The following DGKI variants were observed in gnomAD, a reference collection of about 807,000 sequenced individuals.
The protein encoded by DGKI is diacylglycerol kinase iota.
In DGKI, 55 loss-of-function variants were observed where a neutral mutation model predicts 147.5. That is an observed-to-expected ratio of 0.37 (90% confidence interval 0.30 to 0.47). The LOEUF (loss-of-function observed/expected upper bound fraction) is 0.47, where lower values mean the gene tolerates loss of function less well. DGKI is among the 20% of genes least tolerant of loss of function. The pLI, the probability that DGKI is intolerant of heterozygous loss-of-function variation, is 1.00. For missense variants in DGKI, 1,007 were observed against 1,323.8 expected, an observed-to-expected ratio of 0.76 and a Z score of 3.71; for synonymous variants, 469 against 477.1, an observed-to-expected ratio of 0.98 and a Z score of 0.22.
intron 24 of DGKI, among the ~76,000 whole-genome samples, chr7:137,469,223 T>C (rs1424683082): frequency 6.6e-6 from 1 of 152,212 alleles, no homozygotes; most frequent in East Asian, 1.9e-4. Context: ...CCTATGCATA[T>C]AGAATCCAGC....
chr7:137,824,604 G>A (rs1307334605), intron 1 of DGKI, among the ~76,000 whole-genome samples: 1 of 151,870 alleles, frequency 6.6e-6, no homozygotes, highest in Non-Finnish European at 1.5e-5. Flanking sequence ...AAGTTCAGGG[G>A]TGCATGTGCA....
chr7:137,416,145 TTAAC>T (rs1376355084), intron 28 of DGKI, among the ~76,000 whole-genome samples: 4 of 152,068 alleles, frequency 2.6e-5, no homozygotes, highest in African/African-American at 7.2e-5. Flanking sequence ...GAAAAATGAA[TTAAC>T]TAACTGAAAG....
chr7:137,519,677 T>C lies in DGKI; in HGVS notation c.2248+2189A>G, dbSNP rs371122638. On this transcript the variant is annotated intron_variant, in intron 21 of 32. Transcript: ENST00000614521. ...GTCTTTATACTCAGTTTGAGCCCTGTCAGCCTTCCCATGAATCTGTATTCT... is the reference window on the plus strand; with the variant it reads ...GTCTTTATACTCAGTTTGAGCCCTGCCAGCCTTCCCATGAATCTGTATTCT... 1.1e-4 allele frequency among the ~76,000 whole-genome samples: 16 copies of C among 152,214 alleles called. No homozygotes were observed. In the South Asian group the frequency reaches 2.9e-3, roughly 28 times the overall value.
chr7:137,555,246 G>A (rs958599364), intron 19 of DGKI, among the ~76,000 whole-genome samples: 4 of 151,334 alleles, frequency 2.6e-5, no homozygotes, highest in Non-Finnish European at 5.9e-5. Context: ...ATAAGAAATG[G>A]CCAGGTGCAG....
At chr7:137,428,318 A>T (rs1397459387) in intron 28 of DGKI, among the ~76,000 whole-genome samples, 4 of 152,232 alleles carry the variant, frequency 2.6e-5, no homozygotes, top group East Asian at 3.8e-4. Context: ...TTATCTCAAT[A>T]GATGCAGAAA....
At chr7:137,639,116 G>A (rs1484035994) in intron 6 of DGKI, among the ~76,000 whole-genome samples, 1 of 152,126 alleles carries the variant, frequency 6.6e-6, no homozygotes, top group East Asian at 1.9e-4. Flanking sequence ...TACTATATTT[G>A]AAATAGTCAT....
chr7:137,593,967 G>T (rs1437049496), intron 12 of DGKI, among the ~76,000 whole-genome samples: 1 of 152,136 alleles, frequency 6.6e-6, no homozygotes, highest in African/African-American at 2.4e-5. Context: ...CCTGCCAAAG[G>T]TCACAGAAAT....
intron 3 of DGKI, among the ~76,000 whole-genome samples, chr7:137,667,145 A>T (rs978125663): frequency 2.0e-5 from 3 of 152,134 alleles, no homozygotes; most frequent in African/African-American, 7.2e-5. Flanking sequence ...TTGTGCCAGC[A>T]GGTCAAAGTT....
chr7:137,796,193 A>C (rs768015720), intron 1 of DGKI, among the ~76,000 whole-genome samples: 5 of 152,190 alleles, frequency 3.3e-5, no homozygotes, highest in African/African-American at 1.2e-4. Flanking sequence ...GGGTTACACA[A>C]AGTTTTAAAT....
intron 19 of DGKI, among the ~76,000 whole-genome samples, chr7:137,567,488 A>C (rs1460916478): frequency 6.6e-6 from 1 of 152,194 alleles, no homozygotes; most frequent in Non-Finnish European, 1.5e-5. Flanking sequence ...AAAAAGAAAG[A>C]AGCACATTTT....
intron 20 of DGKI, among the ~76,000 whole-genome samples, chr7:137,534,671 CAACT>C (rs1817458349): frequency 6.6e-6 from 1 of 151,846 alleles, no homozygotes; most frequent in Non-Finnish European, 1.5e-5. Flanking sequence ...ATATTTTAAA[CAACT>C]AAAATATTTA....
chr7:137,683,264 T>C (rs559655813), intron 2 of DGKI, among the ~76,000 whole-genome samples: 1 of 152,072 alleles, frequency 6.6e-6, no homozygotes, highest in Non-Finnish European at 1.5e-5. Context: ...TCCCTATTTA[T>C]AAAATAAAAT....
chr7:137,459,646 T>C (rs1373838855), intron 27 of DGKI, among the ~76,000 whole-genome samples: 1 of 151,874 alleles, frequency 6.6e-6, no homozygotes, highest in African/African-American at 2.4e-5. Flanking sequence ...GGCTAATTTT[T>C]TGTATTTTTA....
intron 6 of DGKI, among the ~76,000 whole-genome samples, chr7:137,638,687 C>G (rs1182896104): frequency 7.3e-6 from 1 of 136,624 alleles, no homozygotes; most frequent in Non-Finnish European, 1.5e-5. Context: ...CGTATGTACA[C>G]ACAGATACAT....
At chr7:137,504,017 C>T (rs1585178380) in intron 21 of DGKI, among the ~76,000 whole-genome samples, 1 of 152,026 alleles carries the variant, frequency 6.6e-6, no homozygotes, top group African/African-American at 2.4e-5. Flanking sequence ...AAGAATCAAC[C>T]AAACCTACAA....
chr7:137,734,387 A>T (rs1168020158), intron 1 of DGKI, among the ~76,000 whole-genome samples: 2 of 152,044 alleles, frequency 1.3e-5, no homozygotes, highest in Non-Finnish European at 2.9e-5. Flanking sequence ...AACATTTATT[A>T]TCTCACAGAT....
At chr7:137,600,993 C>A (rs1320575048) in intron 10 of DGKI, among the ~76,000 whole-genome samples, 1 of 151,990 alleles carries the variant, frequency 6.6e-6, no homozygotes, top group African/African-American at 2.4e-5. Context: ...AAGAAGGGGC[C>A]GGGCACGGTG....
At chr7:137,425,286 C>A (rs1314396811) in intron 28 of DGKI, among the ~76,000 whole-genome samples, 5 of 152,202 alleles carry the variant, frequency 3.3e-5, no homozygotes, top group Non-Finnish European at 5.9e-5. Context: ...CCCAGGCAAA[C>A]AGGGTCTGGA....
intron 3 of DGKI, among the ~76,000 whole-genome samples, chr7:137,662,923 G>A (rs1248958375): frequency 1.3e-5 from 2 of 152,212 alleles, no homozygotes; most frequent in African/African-American, 4.8e-5. Context: ...AAGAAAAGCA[G>A]TAGGAACAAC....
Sources: allele counts gnomAD v4.1 joint callset (sites outside exome capture counted in the v4.1 genomes callset), GRCh38; gene constraint gnomAD v4.1.1; transcripts MANE v1.5; gene names NCBI Gene and HGNC (gene_info 2026-07-23, HGNC 2026-07-21).